Variants in PIK3R3 observed in about 807,000 individuals in gnomAD.
The protein encoded by PIK3R3 is phosphatidylinositol 3-kinase regulatory subunit gamma.
A neutral mutation model predicts 62.9 loss-of-function variants in PIK3R3; 64 were observed. That is an observed-to-expected ratio of 1.02 (90% CI 0.83 to 1.25). PIK3R3 has a LOEUF of 1.25. Ranked by LOEUF, PIK3R3 falls within the 50% of genes most tolerant of loss-of-function variation. PIK3R3 has a pLI of 0.00. For missense variants in PIK3R3, 614 were observed against 561.6 expected, an observed-to-expected ratio of 1.09 and a Z score of -0.94; for synonymous variants, 165 against 189.0, an observed-to-expected ratio of 0.87 and a Z score of 1.04.
chr1:46,132,264 T>C lies in PIK3R3; in HGVS notation c.-312A>G. ...CCAAAAATCCTTTCTACACAGTCGCTCTCCGGGGAGAAAAGCTCCCACCGC... is the reference window on the plus strand; with the variant it reads ...CCAAAAATCCTTTCTACACAGTCGCCCTCCGGGGAGAAAAGCTCCCACCGC... On this transcript the variant is annotated 5_prime_UTR_variant, in exon 1 of 10. Transcript: ENST00000262741. 8.8e-7 allele frequency: 1 copy of C among 1,133,896 alleles called. No homozygotes were observed. The highest frequency in any genetic ancestry group is 1.1e-6 in the Non-Finnish European group (1 of 919,364). 70.2% of individuals were successfully genotyped at this position (1,133,896 alleles called of 1,614,324 possible).
chr1:46,077,667 G>A, intron 2 of PIK3R3, 54 bp from the exon 3 acceptor site: 1 of 1,085,382 alleles, frequency 9.2e-7, no homozygotes, highest in Non-Finnish European at 1.4e-6. Context: ...GGTGGCTTCG[G>A]CAGTAGGTGT....
chr1:46,112,349 C>T (rs1462298367), intron 1 of PIK3R3, among the ~76,000 whole-genome samples: 1 of 152,102 alleles, frequency 6.6e-6, no homozygotes, highest in Non-Finnish European at 1.5e-5. Flanking sequence ...TTTATACTTC[C>T]TACTATTGAT....
intron 2 of PIK3R3, among the ~76,000 whole-genome samples, chr1:46,078,474 G>A (rs761626742): frequency 6.6e-6 from 1 of 152,154 alleles, no homozygotes; most frequent in African/African-American, 2.4e-5. Flanking sequence ...CCTGGGAGGC[G>A]GAGGTTGCAG....
At chr1:46,125,410 A>G (rs986334022) in intron 1 of PIK3R3, among the ~76,000 whole-genome samples, 2 of 152,206 alleles carry the variant, frequency 1.3e-5, no homozygotes, top group African/African-American at 4.8e-5. Flanking sequence ...AAGTATTTAT[A>G]TAAGATGAAT....
intron 1 of PIK3R3, among the ~76,000 whole-genome samples, chr1:46,090,309 C>T (rs1215379368): frequency 2.2e-5 from 3 of 136,846 alleles, no homozygotes; most frequent in Non-Finnish European, 3.2e-5. Flanking sequence ...TCTACGCAGT[C>T]TTTTTTATTT....
chr1:46,109,773 C>T (rs745543036), intron 1 of PIK3R3, among the ~76,000 whole-genome samples: 4 of 152,166 alleles, frequency 2.6e-5, no homozygotes, highest in East Asian at 3.9e-4. Flanking sequence ...TGAGCTACCA[C>T]GCCCGACCAA....
At chr1:46,051,405 C>T (rs146740326) in intron 7 of PIK3R3, among the ~76,000 whole-genome samples, 1,937 of 152,150 alleles carry the variant, frequency 0.013, 21 homozygotes, top group Non-Finnish European at 0.02. Flanking sequence ...GGATTACAGG[C>T]ATGCGCCACC....
At chr1:46,164,849 T>G in the PIK3R3 span, among the ~76,000 whole-genome samples, 1 of 152,104 alleles carries the variant, frequency 6.6e-6, no homozygotes, top group South Asian at 2.1e-4. Context: ...CATCCCTTTT[T>G]TTGAGATGGG....
At chr1:46,137,371 G>A (rs998060805), upstream of PIK3R3, among the ~76,000 whole-genome samples, 1 of 152,180 alleles carries the variant, frequency 6.6e-6, no homozygotes, top group African/African-American at 2.4e-5. Context: ...AGTGTGTTGG[G>A]GGAGCCCCAA....
At chr1:46,111,299 A>G (rs751610765) in intron 1 of PIK3R3, among the ~76,000 whole-genome samples, 1 of 152,174 alleles carries the variant, frequency 6.6e-6, no homozygotes, top group Admixed American at 6.5e-5. Flanking sequence ...TAAGCAGACC[A>G]AATTCAAACC....
chr1:46,046,528 A>G (rs1016958240), intron 8 of PIK3R3, 23 bp downstream of exon 8: 31 of 1,513,856 alleles, frequency 2.0e-5, no homozygotes, highest in Non-Finnish European at 2.8e-5. Flanking sequence ...GCCCTCTGAC[A>G]GAAAGGTATA....
rs74227076 is a variant in PIK3R3, at chr1:46,109,184, T to A, written c.106+22663A>T. Among the ~76,000 whole-genome samples, 154 of 46,644 alleles carry A rather than the reference T, an allele frequency of 3.3e-3. 1 individual carries two copies. The highest frequency in any genetic ancestry group is 6.4e-3 in the East Asian group (5 of 780). The allele number at this position is 46,644 out of a possible 152,430, so 30.6% of individuals were successfully genotyped here. A position where few individuals can be genotyped will look rare whatever the true frequency, so the allele number is the denominator to read the frequency against. ...TCTCAAAAAAAAAAAAAAAAAAAAATTATGTTTCTCTGCTCTACTTCTCTA... is the reference window on the plus strand; with the variant it reads ...TCTCAAAAAAAAAAAAAAAAAAAAAATATGTTTCTCTGCTCTACTTCTCTA... On this transcript the variant is annotated intron_variant, in intron 1 of 9. Transcript: ENST00000262741.
chr1:46,080,481 G>A (rs775710664), intron 2 of PIK3R3, among the ~76,000 whole-genome samples, 161 bp downstream of exon 2: 19 of 151,580 alleles, frequency 1.3e-4, no homozygotes, highest in Non-Finnish European at 2.2e-4. Context: ...CTACAGCCTC[G>A]AACTCCTGGT....
At chr1:46,096,622 G>GTTTATA (rs1652146897) in intron 1 of PIK3R3, among the ~76,000 whole-genome samples, 2 of 152,140 alleles carry the variant, frequency 1.3e-5, no homozygotes, top group Non-Finnish European at 2.9e-5. Flanking sequence ...AAACTGGCCA[G>GTTTATA]GTGCAGTGGC....
At chr1:46,170,602 GT>G in the PIK3R3 span, among the ~76,000 whole-genome samples, 1 of 152,182 alleles carries the variant, frequency 6.6e-6, no homozygotes, top group Non-Finnish European at 1.5e-5. Context: ...TGTATTTTTA[GT>G]AGAGACGGGG....
In PIK3R3 at chr1:46,040,356, A is replaced by C; in HGVS notation, c.*3317T>G. The C allele has an allele frequency of 4.3e-6, 1 of 231,814 alleles. No homozygotes were observed. Among genetic ancestry groups the C allele is most frequent in the Non-Finnish European group, 8.6e-6 (1 of 116,866 alleles). The allele number at this position is 231,814 out of a possible 1,614,324, so 14.4% of individuals were successfully genotyped here. A position where few individuals can be genotyped will look rare whatever the true frequency, so the allele number is the denominator to read the frequency against. ...ACATTATGAACTGTCCCATCACAAG[A>C]CATACAGTTGGCTTTCTTGTGAGTC... On this transcript the variant is annotated 3_prime_UTR_variant, in exon 10 of 10. Transcript: ENST00000262741.
At chr1:46,103,458 T>G (rs992190722) in intron 1 of PIK3R3, among the ~76,000 whole-genome samples, 5 of 151,840 alleles carry the variant, frequency 3.3e-5, no homozygotes, top group Non-Finnish European at 5.9e-5. Context: ...TAATCCCAGC[T>G]ACTCAGGAGG....
chr1:46,117,311 T>C (rs2149462902), intron 1 of PIK3R3, among the ~76,000 whole-genome samples: 1 of 152,132 alleles, frequency 6.6e-6, no homozygotes, highest in South Asian at 2.1e-4. Flanking sequence ...CACGCACCTA[T>C]AGTCCTAGCT....
intron 1 of PIK3R3, among the ~76,000 whole-genome samples, chr1:46,095,242 A>G (rs1272709080): frequency 1.3e-5 from 2 of 152,214 alleles, no homozygotes; most frequent in Non-Finnish European, 2.9e-5. Context: ...AATGCCCATC[A>G]ATGATAGACT....
Sources: gnomAD v4.1 joint callset for allele counts (sites outside exome capture counted in the v4.1 genomes callset) on GRCh38, gnomAD v4.1.1 for gene constraint, MANE v1.5 for transcripts, NCBI Gene and HGNC (gene_info 2026-07-23, HGNC 2026-07-21) for gene names.